Variants in BLM observed in about 807,000 individuals in gnomAD.
The protein encoded by BLM is recQ-like DNA helicase BLM.
A neutral mutation model predicts 135.3 loss-of-function variants in BLM; 95 were observed. The observed-to-expected ratio is 0.70, with a 90% CI of 0.59 to 0.83. BLM has a LOEUF of 0.83. Ranked by LOEUF, BLM falls within the 40% of genes least tolerant of loss-of-function variation. BLM has a pLI of 0.00. For synonymous variants in BLM, 520 were observed against 589.2 expected (o/e 0.88, Z 1.70); for missense variants, 1,518 against 1,663.9 (o/e 0.91, Z 1.53).
At chr15:90,758,521 G>A (rs1895878891) in intron 5 of BLM, among the ~76,000 whole-genome samples, 1 of 152,086 alleles carries the variant, frequency 6.6e-6, no homozygotes, top group Admixed American at 6.5e-5. Flanking sequence ...CTACTGCTTT[G>A]AAATTCTATT....
At chr15:90,759,147 A>T (rs775643564) in intron 5 of BLM, among the ~76,000 whole-genome samples, 1 of 152,226 alleles carries the variant, frequency 6.6e-6, no homozygotes, top group African/African-American at 2.4e-5. Context: ...ATGAGCTCTT[A>T]TGATAAAGCG....
intron 6 of BLM, 82 bp downstream of exon 6, chr15:90,760,361 C>G: frequency 6.4e-7 from 1 of 1,574,244 alleles, no homozygotes; most frequent in Non-Finnish European, 8.7e-7. Context: ...GCAAAATGTT[C>G]AGGCTTTCTG....
chr15:90,813,162 C>T (rs1897466061), intron 21 of BLM, among the ~76,000 whole-genome samples: 1 of 152,180 alleles, frequency 6.6e-6, no homozygotes, highest in South Asian at 2.1e-4. Flanking sequence ...CTGCATGTTG[C>T]CTGTGGAGAC....
intron 21 of BLM, among the ~76,000 whole-genome samples, chr15:90,814,225 C>T (rs1348440975): frequency 6.6e-6 from 1 of 152,174 alleles, no homozygotes; most frequent in African/African-American, 2.4e-5. Flanking sequence ...CTTGTATGCC[C>T]TGGTGCCGTG....
chr15:90,738,398 A>T (rs1194865148), intron 1 of BLM, among the ~76,000 whole-genome samples: 1 of 152,072 alleles, frequency 6.6e-6, no homozygotes, highest in Non-Finnish European at 1.5e-5. Context: ...ACATGGTGAA[A>T]CCCTGGCTCT....
intron 1 of BLM, among the ~76,000 whole-genome samples, chr15:90,717,854 G>C (rs562653818): frequency 6.6e-6 from 1 of 152,314 alleles, no homozygotes; most frequent in Non-Finnish European, 1.5e-5. Flanking sequence ...CCATAATCAC[G>C]AGCTGGGCTA....
intron 16 of BLM, among the ~76,000 whole-genome samples, chr15:90,797,486 A>G (rs529964309): frequency 5.3e-4 from 80 of 150,286 alleles, no homozygotes; most frequent in African/African-American, 1.8e-3. Context: ...TTTCTTGATG[A>G]CTCTAGATAG....
chr15:90,763,247 G>A (rs934986130), intron 8 of BLM, 90 bp downstream of exon 8: 7 of 1,362,586 alleles, frequency 5.1e-6, no homozygotes, highest in East Asian at 2.3e-5. Flanking sequence ...CACCTACACA[G>A]TATTTCTATC....
At chr15:90,786,625 C>T (rs190727147) in intron 14 of BLM, among the ~76,000 whole-genome samples, 6 of 152,024 alleles carry the variant, frequency 3.9e-5, no homozygotes, top group African/African-American at 7.2e-5. Context: ...AGACCACACA[C>T]GTGAATAATT....
intron 1 of BLM, among the ~76,000 whole-genome samples, chr15:90,726,950 T>A (rs975036114): frequency 6.6e-6 from 1 of 152,162 alleles, no homozygotes; most frequent in Admixed American, 6.5e-5. Context: ...AAGTGTTCAG[T>A]AGTGGGTTTG....
At chr15:90,745,244 C>A (rs1449275222) in intron 1 of BLM, among the ~76,000 whole-genome samples, 1 of 151,866 alleles carries the variant, frequency 6.6e-6, no homozygotes, top group Non-Finnish European at 1.5e-5. Context: ...ATTTGAGAAT[C>A]AATAAGGATG....
In BLM at chr15:90,798,198, A is replaced by C; in HGVS notation, c.3219A>C (p.Lys1073Asn). 1 of 1,605,768 alleles carries C rather than the reference A, an allele frequency of 6.2e-7. No individual in the cohort carries two copies. Among genetic ancestry groups the C allele is most frequent in the Non-Finnish European group, 8.5e-7 (1 of 1,173,512 alleles). Residue 1073 changes from lysine (K) to asparagine (N), a missense_variant, in exon 17 of 22, where the codon AAA becomes AAC. Coordinates refer to ENST00000355112, the MANE Select transcript of BLM (RefSeq NM_000057.4). Reference sequence around the variant, plus strand: ...TCTCTTTTTATTCATAGGATTATAAAACAAGAGATGTGACTGACGATGTGA... The same window carrying C: ...TCTCTTTTTATTCATAGGATTATAACACAAGAGATGTGACTGACGATGTGA... ...CDNCCKTKDY[K>N]TRDVTDDVKS... is the part of the protein sequence containing the mutation.
chr15:90,761,382 G>T (rs1895984401), intron 7 of BLM, 127 bp downstream of exon 7: 3 of 729,112 alleles, frequency 4.1e-6, no homozygotes, highest in Non-Finnish European at 6.0e-6. Flanking sequence ...TTCTACTGAT[G>T]ATATGAATTA....
At chr15:90,739,275 C>T (rs1895301313) in intron 1 of BLM, among the ~76,000 whole-genome samples, 1 of 152,054 alleles carries the variant, frequency 6.6e-6, no homozygotes, top group African/African-American at 2.4e-5. Context: ...ATGGCACGCA[C>T]CTGTAATCCC....
At chr15:90,721,094 T>A (rs1273273407) in intron 1 of BLM, among the ~76,000 whole-genome samples, 3 of 152,154 alleles carry the variant, frequency 2.0e-5, no homozygotes, top group African/African-American at 7.2e-5. Flanking sequence ...ATGCTTGTCA[T>A]TTGTCTTATA....
chr15:90,776,015 T>C (rs1331041972), intron 12 of BLM, among the ~76,000 whole-genome samples: 1 of 152,216 alleles, frequency 6.6e-6, no homozygotes, highest in Non-Finnish European at 1.5e-5. Flanking sequence ...AGTTGACATA[T>C]CTGGATGAAT....
intron 1 of BLM, among the ~76,000 whole-genome samples, chr15:90,733,694 A>G (rs994700003): frequency 2.0e-5 from 3 of 152,184 alleles, no homozygotes; most frequent in Non-Finnish European, 2.9e-5. Context: ...AAAGTATACA[A>G]TTTGTTCAGT....
rs371774802 is a variant in BLM at position 90,803,659 on chromosome 15, A to T, written c.3497A>T (p.Gln1166Leu). 7 of 1,614,200 alleles carry T rather than the reference A, an allele frequency of 4.3e-6. No individual in the cohort carries two copies. Among genetic ancestry groups the T allele is most frequent in the Admixed American group, 1.7e-5 (1 of 60,018 alleles). The change falls in exon 18 of 22, where the codon CAG (glutamine) becomes CTG (leucine). Residue 1166 changes from glutamine (Q) to leucine (L), a missense_variant. Gln to Leu is a moderately radical substitution (Grantham distance 113, BLOSUM62 -2). Around this residue, in one of 5 missense-constraint regions of BLM, gnomAD observed 626 missense variants for 681.1 expected, o/e 0.92. Coordinates refer to ENST00000355112, the MANE Select transcript of BLM (RefSeq NM_000057.4). Reference sequence around the variant, plus strand: ...GACTTATATATCAATGCCAATGACCAGGCGATCGCTTATGTGATGCTCGGA... The same window carrying T: ...GACTTATATATCAATGCCAATGACCTGGCGATCGCTTATGTGATGCTCGGA... ...DEDLYINAND[Q>L]AIAYVMLGNK...
At chr15:90,799,806 G>A (rs951691370) in intron 17 of BLM, among the ~76,000 whole-genome samples, 2 of 152,136 alleles carry the variant, frequency 1.3e-5, no homozygotes, top group South Asian at 4.1e-4. Context: ...ATTTAGTCAT[G>A]TGTGGATAGG....
Sources: allele counts gnomAD v4.1 joint callset (sites outside exome capture counted in the v4.1 genomes callset), GRCh38; gene constraint gnomAD v4.1.1; regional missense constraint gnomAD v4.1.1; transcripts MANE v1.5; gene names NCBI Gene and HGNC (gene_info 2026-07-23, HGNC 2026-07-21).